The following MAP6 variants were observed in gnomAD, a reference collection of about 807,000 sequenced individuals.
MAP6 encodes the protein microtubule-associated protein 6.
A neutral mutation model predicts 42.4 loss-of-function variants in MAP6; 26 were observed. The observed-to-expected ratio is 0.61, with a 90% CI of 0.45 to 0.85. The LOEUF (loss-of-function observed/expected upper bound fraction) is 0.85. MAP6 is among the 40% of genes least tolerant of loss of function. The pLI is 0.00. For synonymous variants in MAP6, 418 were observed against 443.8 expected, an observed-to-expected ratio of 0.94 and a Z score of 0.73; for missense variants, 966 against 1,099.0, an observed-to-expected ratio of 0.88 and a Z score of 1.71.
chr11:75,667,343 G>A lies in MAP6; in HGVS notation c.905+122C>T. 4.4e-6 allele frequency: 4 copies of A among 906,090 alleles called. No homozygotes were observed. Among genetic ancestry groups the A allele is most frequent in the Non-Finnish European group, 6.1e-6 (4 of 653,548 alleles). 56.1% of individuals were successfully genotyped at this position (906,090 alleles called of 1,614,324 possible). On this transcript the variant is annotated intron_variant, in intron 1 of 3. Coordinates refer to ENST00000304771, the MANE Select transcript of MAP6 (RefSeq NM_033063.2). The surrounding 1 kb of genome is among the most constrained non-coding windows in gnomAD (Gnocchi z 5.6). ...GGCCTGGGAGGCGGCTGGGGAGAGG[G>A]TGTGGCCTGGGACTGGAGGGAGGCT...
intron 1 of MAP6, among the ~76,000 whole-genome samples, chr11:75,643,482 A>G (rs1228195820): frequency 2.0e-5 from 3 of 152,186 alleles, no homozygotes; most frequent in African/African-American, 7.2e-5. Context: ...GCAAAGAGGA[A>G]AACCTTTGTA....
chr11:75,651,658 G>A (rs560120887), intron 1 of MAP6, among the ~76,000 whole-genome samples: 41 of 152,270 alleles, frequency 2.7e-4, no homozygotes, highest in African/African-American at 8.2e-4. Flanking sequence ...GAGATTGGCT[G>A]GTTATCCATT....
intron 1 of MAP6, among the ~76,000 whole-genome samples, chr11:75,632,450 T>C (rs1198042055): frequency 6.6e-6 from 1 of 152,196 alleles, no homozygotes; most frequent in Non-Finnish European, 1.5e-5. Context: ...GTGGACTGCA[T>C]GAACTACTTT....
In MAP6 at chr11:75,668,190, G is replaced by C. The variant is rs923429258; in HGVS notation, c.180C>G (p.Pro60=). The C allele has an allele frequency of 7.2e-6, 9 of 1,245,544 alleles. No individual in the cohort carries two copies. In the South Asian group the frequency reaches 2.1e-4, roughly 29 times the overall value. The allele number at this position is 1,245,544 out of a possible 1,614,324, so 77.2% of individuals were successfully genotyped here. A position where few individuals can be genotyped will look rare whatever the true frequency, so the allele number is the denominator to read the frequency against. ...TCTCTATGGCAACCGCGCGCGCCGA[G>C]GGGGGCGCGAGCGCCGGCTGCGCCT... The part of the protein sequence containing the change: ...QQQAQPALAP[P]SARAVAIETQ... The change falls in exon 1 of 4, where the codon CCC becomes CCG. Residue 60 remains proline (P), a synonymous_variant. Transcript: ENST00000304771.
intron 1 of MAP6, among the ~76,000 whole-genome samples, chr11:75,646,933 A>C (rs180900852): frequency 6.6e-6 from 1 of 152,288 alleles, no homozygotes; most frequent in Non-Finnish European, 1.5e-5. Flanking sequence ...GGTAAAATAT[A>C]AGACAAGAAA....
At chr11:75,604,317 A>C in intron 3 of MAP6, 1 of 985,808 alleles carries the variant, frequency 1.0e-6, no homozygotes, top group African/African-American at 1.7e-5. Context: ...GGTCGGAGTA[A>C]GAGAGAGTTC....
At chr11:75,636,659 C>A (rs1413464484) in intron 1 of MAP6, among the ~76,000 whole-genome samples, 2 of 152,204 alleles carry the variant, frequency 1.3e-5, no homozygotes, top group African/African-American at 4.8e-5. Flanking sequence ...ACACTTGGAC[C>A]ACTATTTCCC....
At chr11:75,597,489 G>A (rs1942600943) in intron 3 of MAP6, among the ~76,000 whole-genome samples, 1 of 152,180 alleles carries the variant, frequency 6.6e-6, no homozygotes, top group Non-Finnish European at 1.5e-5. Flanking sequence ...AAAGTCAAAG[G>A]CACAGCAGAT....
chr11:75,614,760 T>C (rs1443053251), intron 1 of MAP6, among the ~76,000 whole-genome samples: 1 of 152,230 alleles, frequency 6.6e-6, no homozygotes, highest in Non-Finnish European at 1.5e-5. Flanking sequence ...TTTGGAGTAA[T>C]TTGTTACAAG....
chr11:75,593,686 T>C (rs994641952), intron 3 of MAP6, among the ~76,000 whole-genome samples: 6 of 152,236 alleles, frequency 3.9e-5, no homozygotes, highest in African/African-American at 1.4e-4. Context: ...TCCTTGAATC[T>C]CCTGCCTTCC....
intron 1 of MAP6, among the ~76,000 whole-genome samples, chr11:75,654,936 C>T (rs564587218): frequency 1.8e-4 from 27 of 152,134 alleles, no homozygotes; most frequent in Non-Finnish European, 3.4e-4. Context: ...CTCATAAAAC[C>T]ATTCCTTCCA....
rs774528607 is a variant in MAP6 at position 75,667,486 on chromosome 11, C to T, written c.884G>A (p.Ser295Asn). 3 of 1,509,814 alleles carry T rather than the reference C, an allele frequency of 2.0e-6. No homozygotes were observed. The highest frequency in any genetic ancestry group is 4.1e-5 in the Admixed American group (2 of 48,738). 93.5% of individuals were successfully genotyped at this position (1,509,814 alleles called of 1,614,324 possible). Residue 295 changes from serine to asparagine, a missense_variant, in exon 1 of 4, where the codon AGT (serine) becomes AAT (asparagine). Physicochemically the swap from Ser to Asn is conservative, Grantham distance 46. Around this residue, in one of 2 missense-constraint regions of MAP6, gnomAD observed 943 missense variants for 1,049.9 expected, o/e 0.90. Transcript: ENST00000304771. The surrounding 1 kb of genome is among the most constrained non-coding windows in gnomAD (Gnocchi z 5.6). Reference sequence around the variant, plus strand: ...TCACCTGTAGGAGCTGCTCACTGCACTCGCCACCTCCTCGCGGATTTGCCG... The same window carrying T: ...TCACCTGTAGGAGCTGCTCACTGCATTCGCCACCTCCTCGCGGATTTGCCG... ...LNRQIREEVA[S>N]AVSSSYRNEF...
At chr11:75,630,852 G>GT (rs1943274124) in intron 1 of MAP6, among the ~76,000 whole-genome samples, 3 of 152,166 alleles carry the variant, frequency 2.0e-5, no homozygotes, top group Non-Finnish European at 4.4e-5. Flanking sequence ...TACCTTTTAA[G>GT]AACAATTGTC....
At chr11:75,603,439 G>A (rs1201866366) in intron 3 of MAP6, 1 of 985,840 alleles carries the variant, frequency 1.0e-6, no homozygotes, top group Non-Finnish European at 1.2e-6. Context: ...TCTCTTGCCA[G>A]TAAAGTGACA....
chr11:75,621,381 A>G (rs999166830), intron 1 of MAP6, among the ~76,000 whole-genome samples: 3 of 152,228 alleles, frequency 2.0e-5, no homozygotes, highest in African/African-American at 7.2e-5. Flanking sequence ...AACTCCCTCA[A>G]CTTACTAGAG....
chr11:75,626,813 GC>G (rs1374979453), intron 1 of MAP6, among the ~76,000 whole-genome samples: 4 of 152,168 alleles, frequency 2.6e-5, no homozygotes, highest in African/African-American at 9.7e-5. Context: ...TACGATCCAG[GC>G]CCTGGGAAGA....
intron 1 of MAP6, among the ~76,000 whole-genome samples, chr11:75,613,452 G>A (rs1387770077): frequency 6.6e-6 from 1 of 152,074 alleles, no homozygotes; most frequent in African/African-American, 2.4e-5. Context: ...GAGGCCCGGG[G>A]CACATTGGGA....
intron 1 of MAP6, among the ~76,000 whole-genome samples, chr11:75,636,429 C>T (rs1319495942): frequency 1.3e-5 from 2 of 152,174 alleles, no homozygotes; most frequent in South Asian, 4.1e-4. Context: ...GCATGAAGCA[C>T]CTGCTTTGCC....
chr11:75,667,624 C>A lies in MAP6; in HGVS notation c.746G>T (p.Arg249Leu), dbSNP rs768939331. ...CTCGTGCCCCAGGCCCTCGGCGCGGCGCACAATCCAGGCAGGCCCGGCCTT... is the reference window on the plus strand; with the variant it reads ...CTCGTGCCCCAGGCCCTCGGCGCGGAGCACAATCCAGGCAGGCCCGGCCTT... ...RRKAGPAWIV[R>L]RAEGLGHEQT... is the part of the protein sequence containing the mutation. The change falls in exon 1 of 4, where the codon CGC (arginine) becomes CTC (leucine). Residue 249 changes from arginine to leucine, a missense_variant. Around this residue, in one of 2 missense-constraint regions of MAP6, gnomAD observed 943 missense variants for 1,049.9 expected, o/e 0.90. Coordinates refer to ENST00000304771, the MANE Select transcript of MAP6 (RefSeq NM_033063.2). This position sits in a 1 kb window ranked among gnomAD's most constrained non-coding sequence, Gnocchi z 5.6. 1 of 1,293,398 alleles carries A rather than the reference C, an allele frequency of 7.7e-7. No individual in the cohort carries two copies. The highest frequency in any genetic ancestry group is 9.7e-7 in the Non-Finnish European group (1 of 1,028,496). The allele number at this position is 1,293,398 out of a possible 1,614,324, so 80.1% of individuals were successfully genotyped here. A position where few individuals can be genotyped will look rare whatever the true frequency, so the allele number is the denominator to read the frequency against.
Sources: gnomAD v4.1 joint callset for allele counts (sites outside exome capture counted in the v4.1 genomes callset) on GRCh38, gnomAD v4.1.1 for gene constraint, gnomAD v4.1.1 regional missense constraint, Gnocchi (gnomAD v3.1) non-coding constraint, MANE v1.5 for transcripts, NCBI Gene and HGNC (gene_info 2026-07-23, HGNC 2026-07-21) for gene names.